Variants in WWOX observed in about 807,000 individuals in gnomAD.
WWOX encodes WW domain containing oxidoreductase.
Under a neutral mutation model 46.2 loss-of-function variants are expected in WWOX, and 69 were observed. The ratio of observed to expected loss-of-function variants is 1.49; its 90% CI spans 1.23 to 1.82. WWOX has a LOEUF of 1.82. Ranked by LOEUF, WWOX falls within the 40% of genes most tolerant of loss-of-function variation. WWOX has a pLI of 0.00. For synonymous variants in WWOX, 359 were observed against 202.6 expected (o/e 1.77, Z -6.56); for missense variants, 919 against 542.6 (o/e 1.69, Z -6.89).
intron 8 of WWOX, among the ~76,000 whole-genome samples, chr16:78,444,793 G>T (rs941097945): frequency 3.3e-5 from 5 of 152,084 alleles, no homozygotes; most frequent in African/African-American, 1.2e-4. Context: ...GCCTCCCAAA[G>T]TGCTGGAATT....
intron 8 of WWOX, among the ~76,000 whole-genome samples, chr16:78,935,260 AC>A (rs2045711686): frequency 6.6e-6 from 1 of 152,204 alleles, no homozygotes; most frequent in African/African-American, 2.4e-5. Context: ...CTGGGTATAT[AC>A]CCAAAGGATT....
At position 78,522,577 on chromosome 16, in the gene WWOX, G is replaced by C. The variant is rs914740648; in HGVS notation, c.1056+89825G>C. On this transcript the variant is annotated intron_variant, in intron 8 of 8. Transcript: ENST00000566780. ...ATTACCATTAGAAGACATCTACACT[G>C]GGAAATTGCTCAGTTCCTGTTTTTG... is the stretch of plus-strand genomic sequence containing the variant. Among the ~76,000 whole-genome samples the C allele has an allele frequency of 3.3e-5, 5 of 152,212 alleles. No homozygotes were observed. In the East Asian group the frequency reaches 9.6e-4, roughly 29 times the overall value.
At chr16:78,443,265 A>G (rs897520137) in intron 8 of WWOX, among the ~76,000 whole-genome samples, 2 of 151,906 alleles carry the variant, frequency 1.3e-5, no homozygotes, top group Non-Finnish European at 1.5e-5. Context: ...ACATCGCATC[A>G]CTGCACTCCA....
intron 5 of WWOX, among the ~76,000 whole-genome samples, chr16:78,249,241 T>C (rs2037914090): frequency 6.6e-6 from 1 of 152,188 alleles, no homozygotes; most frequent in Admixed American, 6.5e-5. Context: ...GTGTTGTGAA[T>C]GTGAACCCAG....
chr16:78,934,796 A>G (rs2045701612), intron 8 of WWOX, among the ~76,000 whole-genome samples: 3 of 152,174 alleles, frequency 2.0e-5, no homozygotes, highest in Admixed American at 6.5e-5. Flanking sequence ...TATAGAGAGC[A>G]GATGTTAAAA....
At chr16:78,889,023 A>G (rs1478945958) in intron 8 of WWOX, among the ~76,000 whole-genome samples, 1 of 152,006 alleles carries the variant, frequency 6.6e-6, no homozygotes, top group East Asian at 1.9e-4. Flanking sequence ...GAAACTGACC[A>G]TTTATCCCAT....
intron 8 of WWOX, among the ~76,000 whole-genome samples, chr16:78,492,240 G>T (rs2859632): frequency 6.6e-6 from 1 of 152,214 alleles, no homozygotes; most frequent in Non-Finnish European, 1.5e-5. Flanking sequence ...TGAGCCACAA[G>T]GCAGTAGAGG....
At chr16:78,904,386 ACAC>A (rs2044907745) in intron 8 of WWOX, among the ~76,000 whole-genome samples, 1 of 151,740 alleles carries the variant, frequency 6.6e-6, no homozygotes, top group Non-Finnish European at 1.5e-5. Context: ...CAAGAGGAGC[ACAC>A]CACTGCGCCC....
At chr16:78,593,744 G>A (rs961185193) in intron 8 of WWOX, among the ~76,000 whole-genome samples, 1 of 146,484 alleles carries the variant, frequency 6.8e-6, no homozygotes, top group African/African-American at 2.7e-5. Flanking sequence ...AAAAGAGAGA[G>A]AGAGAGAGAG....
At chr16:79,011,267 T>C (rs2047301546) in intron 8 of WWOX, among the ~76,000 whole-genome samples, 1 of 151,530 alleles carries the variant, frequency 6.6e-6, no homozygotes, top group South Asian at 2.1e-4. Flanking sequence ...CATTCTTCTA[T>C]GCAACCATTT....
intron 6 of WWOX, among the ~76,000 whole-genome samples, chr16:78,394,655 A>G (rs2082246629): frequency 6.6e-6 from 1 of 152,224 alleles, no homozygotes; most frequent in African/African-American, 2.4e-5. Context: ...ATATTTGAGA[A>G]TTTTCAGACT....
intron 8 of WWOX, among the ~76,000 whole-genome samples, chr16:79,197,511 C>T (rs1220332217): frequency 6.6e-6 from 1 of 151,898 alleles, no homozygotes; most frequent in African/African-American, 2.4e-5. Flanking sequence ...ACTGGTACAC[C>T]ACTGTCACCA....
At chr16:79,074,629 A>C (rs921270028) in intron 8 of WWOX, among the ~76,000 whole-genome samples, 16 of 151,598 alleles carry the variant, frequency 1.1e-4, no homozygotes, top group Admixed American at 9.2e-4. Flanking sequence ...AGAACCTAAG[A>C]GTCTCCATGA....
At chr16:78,196,882 T>G (rs1347605146) in intron 5 of WWOX, among the ~76,000 whole-genome samples, 1 of 152,190 alleles carries the variant, frequency 6.6e-6, no homozygotes, top group East Asian at 1.9e-4. Flanking sequence ...AATTTTATCA[T>G]CCCCACTGAC....
intron 6 of WWOX, among the ~76,000 whole-genome samples, chr16:78,403,871 ATGG>A (rs2082468211): frequency 6.6e-6 from 1 of 152,238 alleles, no homozygotes; most frequent in Non-Finnish European, 1.5e-5. Flanking sequence ...TGAAGGCTGC[ATGG>A]ACCTTCACTT....
At chr16:78,573,491 T>C (rs2044770496) in intron 8 of WWOX, among the ~76,000 whole-genome samples, 1 of 152,222 alleles carries the variant, frequency 6.6e-6, no homozygotes, top group African/African-American at 2.4e-5. Context: ...ATATGTCAGA[T>C]GCATCTTCCT....
chr16:78,876,996 C>T (rs995819207), intron 8 of WWOX, among the ~76,000 whole-genome samples: 4 of 152,152 alleles, frequency 2.6e-5, no homozygotes, highest in African/African-American at 9.7e-5. Flanking sequence ...GTTAAGTTAA[C>T]TGGTTCCTAT....
At chr16:78,898,286 G>C (rs868340581) in intron 8 of WWOX, 3 of 152,068 alleles carry the variant, frequency 2.0e-5, no homozygotes, top group South Asian at 2.1e-4. Flanking sequence ...TTTACATTCA[G>C]ATCTATGTTC....
At chr16:78,589,922 G>A (rs570566269) in intron 8 of WWOX, among the ~76,000 whole-genome samples, 1 of 152,234 alleles carries the variant, frequency 6.6e-6, no homozygotes, top group East Asian at 1.9e-4. Flanking sequence ...GTTGGCATTT[G>A]TTGGAATTTC....
Sources: gnomAD v4.1 joint callset for allele counts (sites outside exome capture counted in the v4.1 genomes callset) on GRCh38, gnomAD v4.1.1 for gene constraint, MANE v1.5 for transcripts, NCBI Gene and HGNC (gene_info 2026-07-23, HGNC 2026-07-21) for gene names.